Variants in SDF4 observed in about 807,000 individuals in gnomAD.
The protein encoded by SDF4 is 45 kDa calcium-binding protein.
A neutral mutation model predicts 34.2 loss-of-function variants in SDF4; 22 were observed. The ratio of observed to expected loss-of-function variants is 0.64; its 90% CI spans 0.46 to 0.92. The LOEUF is 0.92. Among genes scored for constraint, SDF4 ranks in the 40% least tolerant of loss-of-function variants. The pLI is 0.00. For missense variants in SDF4, 447 were observed against 499.9 expected, an observed-to-expected ratio of 0.89 and a Z score of 1.01; for synonymous variants, 236 against 203.1, an observed-to-expected ratio of 1.16 and a Z score of -1.38.
rs1649708804 is a variant in SDF4 at position 1,218,868 on chromosome 1, C to G, written c.616G>C (p.Asp206His). The change falls in exon 5 of 7, where the codon GAC becomes CAC. Residue 206 changes from aspartate to histidine, a missense_variant. Physicochemically the swap from Asp to His is moderately conservative, Grantham distance 81 (BLOSUM62 -1). Coordinates refer to ENST00000360001, the MANE Select transcript of SDF4 (RefSeq NM_016176.6). The surrounding 1 kb of genome is among the most constrained non-coding windows in gnomAD (Gnocchi z 7.9). ...AACTCCTCCTCCGTCAGCAGCAGGTCTGCAGGGGGGCTGTCCGCCTGGTAC... is the reference window on the plus strand; with the variant it reads ...AACTCCTCCTCCGTCAGCAGCAGGTGTGCAGGGGGGCTGTCCGCCTGGTAC... ...RWYQADSPPA[D>H]LLLTEEEFLS... 1 of 1,598,248 alleles carries G rather than the reference C, an allele frequency of 6.3e-7. No individual in the cohort carries two copies. The highest frequency in any genetic ancestry group is 1.7e-5 in the Admixed American group (1 of 59,200).
Position 1,228,457 on chromosome 1 carries a change from G to A in SDF4, c.305+11C>T. The A allele has an allele frequency of 6.3e-7, 1 of 1,592,264 alleles. No homozygotes were observed. Among genetic ancestry groups the A allele is most frequent in the Non-Finnish European group, 8.6e-7 (1 of 1,167,802 alleles). Reference sequence around the variant, plus strand: ...GACAGCCCCCCAGTCTGGGCACATGGCGGCACCTACTTGGAAAAGATGACC... The same window carrying A: ...GACAGCCCCCCAGTCTGGGCACATGACGGCACCTACTTGGAAAAGATGACC... On this transcript the variant is annotated intron_variant, in intron 2 of 6. Coordinates refer to ENST00000360001, the MANE Select transcript of SDF4 (RefSeq NM_016176.6).
rs760215857 is a variant in SDF4, at chr1:1,228,750, A to T, written c.23T>A (p.Leu8His). The T allele has an allele frequency of 6.2e-7, 1 of 1,611,538 alleles. No individual in the cohort carries two copies. The highest frequency in any genetic ancestry group is 1.7e-5 in the Admixed American group (1 of 59,914). The change falls in exon 2 of 7, where the codon CTC (leucine) becomes CAC (histidine). Residue 8 changes from leucine to histidine, a missense_variant. Transcript: ENST00000360001. ...GAGGCAGCACGGAGCCAGGCCAATG[A>T]GGGGACCCCACCTGGACGCCATCGC... The part of the protein sequence containing the change: MASRWGP[L>H]IGLAPCCLWL...
chr1:1,223,224 G>A lies in SDF4; in HGVS notation c.556+20C>T, dbSNP rs778257757. Reference sequence around the variant, plus strand: ...ACAGGATGCCTGAGACCGGTGGCGGGAGCCTGGCTGAGCACTCACTTTCCT... The same window carrying A: ...ACAGGATGCCTGAGACCGGTGGCGGAAGCCTGGCTGAGCACTCACTTTCCT... On this transcript the variant is annotated intron_variant, in intron 4 of 6. Transcript: ENST00000360001. 65 of 1,553,546 alleles carry A rather than the reference G, an allele frequency of 4.2e-5. No homozygotes were observed. Among genetic ancestry groups the A allele is most frequent in the Non-Finnish European group, 5.6e-5 (63 of 1,125,196 alleles).
At chr1:1,219,234 G>A in intron 4 of SDF4, 4 of 1,190,024 alleles carry the variant, frequency 3.4e-6, no homozygotes, top group East Asian at 5.2e-5. Context: ...CCAATACATG[G>A]ATGGCCCTGA....
intron 4 of SDF4, 85 bp downstream of exon 4, chr1:1,223,159 A>G (rs779519226): frequency 6.4e-6 from 6 of 944,238 alleles, no homozygotes; most frequent in South Asian, 1.3e-5. Context: ...TACACGACAC[A>G]CACGGCACAC....
At chr1:1,224,530 T>C (rs1038270169) in intron 2 of SDF4, among the ~76,000 whole-genome samples, 3 of 152,210 alleles carry the variant, frequency 2.0e-5, no homozygotes, top group Non-Finnish European at 2.9e-5. Context: ...TCCACCCACC[T>C]CAGCCTCCCA....
chr1:1,223,203 G>T (rs755734252), intron 4 of SDF4, 41 bp downstream of exon 4: 1 of 1,373,274 alleles, frequency 7.3e-7, no homozygotes, highest in South Asian at 1.2e-5. Context: ...GCACACACAG[G>T]ATGCCTGAGA....
Position 1,218,737 on chromosome 1 carries a change from T to C in SDF4, c.715+32A>G. On this transcript the variant is annotated intron_variant, in intron 5 of 6. Transcript: ENST00000360001. The surrounding 1 kb of genome is among the most constrained non-coding windows in gnomAD (Gnocchi z 7.9). ...GCCCCTGCCAGTCGGTCCTGGGTCC[T>C]GGCGTGCCGGCCAGGCTGGACCCAG... is the stretch of plus-strand genomic sequence containing the variant. 7.4e-6 allele frequency: 12 copies of C among 1,611,968 alleles called. No homozygotes were observed. Among genetic ancestry groups the C allele is most frequent in the Non-Finnish European group, 1.0e-5 (12 of 1,179,032 alleles).
intron 4 of SDF4, among the ~76,000 whole-genome samples, chr1:1,222,364 C>A (rs1433676703): frequency 1.3e-5 from 2 of 152,228 alleles, no homozygotes; most frequent in Non-Finnish European, 2.9e-5. Flanking sequence ...CTGGCCTTAG[C>A]CCGGGTGCCG....
intron 4 of SDF4, among the ~76,000 whole-genome samples, chr1:1,222,121 A>C (rs1650000554): frequency 6.6e-6 from 1 of 152,234 alleles, no homozygotes; most frequent in Non-Finnish European, 1.5e-5. Flanking sequence ...GCAGGGCAGC[A>C]GAGAACCCAC....
rs1262139681 is a variant in SDF4 at position 1,228,698 on chromosome 1, C to G, written c.75G>C (p.Met25Ile). 18 of 1,612,832 alleles carry G rather than the reference C, an allele frequency of 1.1e-5. No homozygotes were observed. ...GGTTGGCAGGCCGTGCAGACGCGTC[C>G]ATCAGAAGGACTGCCCCCAGGAGCC... ...CLWLLGAVLL[M>I]DASARPANHS... Residue 25 changes from methionine to isoleucine, a missense_variant, in exon 2 of 7, where the codon ATG becomes ATC. Met to Ile is a conservative substitution (Grantham distance 10, BLOSUM62 1). Coordinates refer to ENST00000360001, the MANE Select transcript of SDF4 (RefSeq NM_016176.6).
intron 1 of SDF4, among the ~76,000 whole-genome samples, chr1:1,229,966 C>T (rs1047347821): frequency 2.6e-5 from 4 of 152,246 alleles, no homozygotes; most frequent in African/African-American, 9.6e-5. Context: ...CACTCGCGAG[C>T]GAACGCCAAG....
chr1:1,221,153 G>A (rs1340011434), intron 4 of SDF4: 4 of 217,894 alleles, frequency 1.8e-5, no homozygotes, highest in African/African-American at 4.6e-5. Flanking sequence ...CCAGATAAGA[G>A]TACGTGAACT....
In SDF4 at chr1:1,217,490, G is replaced by T; in HGVS notation, c.*22C>A. ...GCCGCCCCGGTGGTGCGTGGGGGGC[G>T]GCGCGGGGCGCGGCCGGGCGCTCAA... is the stretch of plus-strand genomic sequence containing the variant. On this transcript the variant is annotated 3_prime_UTR_variant, in exon 7 of 7. Transcript: ENST00000360001. The surrounding 1 kb of genome is among the most constrained non-coding windows in gnomAD (Gnocchi z 8.5). The T allele has an allele frequency of 6.6e-7, 1 of 1,506,094 alleles. No homozygotes were observed. Among genetic ancestry groups the T allele is most frequent in the South Asian group, 1.3e-5 (1 of 77,422 alleles). The allele number at this position is 1,506,094 out of a possible 1,614,324, so 93.3% of individuals were successfully genotyped here.
chr1:1,224,286 ATT>A (rs1638227810), intron 2 of SDF4, among the ~76,000 whole-genome samples: 1 of 129,600 alleles, frequency 7.7e-6, no homozygotes, highest in Non-Finnish European at 1.8e-5. Context: ...TTCACGTTTT[ATT>A]TTATTTTTTG....
Position 1,217,424 on chromosome 1 carries a change from T to C in SDF4, c.*88A>G. ...CCGGTGGCGGGCGGCAGGGAAGAGG[T>C]GGGGTCCGGGACAGCCACGGAGCCC... On this transcript the variant is annotated 3_prime_UTR_variant, in exon 7 of 7. Transcript: ENST00000360001. The surrounding 1 kb of genome is among the most constrained non-coding windows in gnomAD (Gnocchi z 8.5). 4 of 1,160,548 alleles carry C rather than the reference T, an allele frequency of 3.4e-6. No individual in the cohort carries two copies. Among genetic ancestry groups the C allele is most frequent in the Non-Finnish European group, 4.4e-6 (4 of 903,694 alleles). 71.9% of individuals were successfully genotyped at this position (1,160,548 alleles called of 1,614,324 possible).
chr1:1,219,980 G>A (rs1649824763), intron 4 of SDF4: 4 of 985,700 alleles, frequency 4.1e-6, no homozygotes, highest in Non-Finnish European at 4.8e-6. Flanking sequence ...TGACGGGGCT[G>A]TGGTTCCTGG....
intron 1 of SDF4, among the ~76,000 whole-genome samples, chr1:1,230,753 C>T (rs1638468346): frequency 6.6e-6 from 1 of 152,208 alleles, no homozygotes; most frequent in African/African-American, 2.4e-5. Context: ...GCCATGCACC[C>T]GGCCTGATTT....
At position 1,217,938 on chromosome 1, in the gene SDF4, G is replaced by A. The variant is rs552187249; in HGVS notation, c.892-250C>T. The A allele has an allele frequency of 2.8e-5, 28 of 1,011,040 alleles. No homozygotes were observed. The East Asian group carries it at 6.7e-4, about 24-fold the overall frequency. 62.6% of individuals were successfully genotyped at this position (1,011,040 alleles called of 1,614,324 possible). A position where few individuals can be genotyped will look rare whatever the true frequency, so the allele number is the denominator to read the frequency against. The stretch of plus-strand genomic sequence containing the variant: ...CTACACAGGCCTGGACCCCAGTTCT[G>A]AAGGATCCCTAACCTGGGCCGGGCC... On this transcript the variant is annotated intron_variant, in intron 6 of 6. Transcript: ENST00000360001. This position sits in a 1 kb window ranked among gnomAD's most constrained non-coding sequence, Gnocchi z 8.5.
Sources: allele counts gnomAD v4.1 joint callset (sites outside exome capture counted in the v4.1 genomes callset), GRCh38; gene constraint gnomAD v4.1.1; non-coding constraint Gnocchi (gnomAD v3.1); transcripts MANE v1.5; gene names NCBI Gene and HGNC (gene_info 2026-07-23, HGNC 2026-07-21).